The following SH3BGRL variants were observed in gnomAD, a reference collection of about 807,000 sequenced individuals.
SH3BGRL encodes the protein adapter SH3BGRL.
Under a neutral mutation model 9.8 loss-of-function variants are expected in SH3BGRL, and 7 were observed. The ratio of observed to expected loss-of-function variants is 0.72; its 90% CI spans 0.41 to 1.35. The LOEUF is 1.35. Among genes scored for constraint, SH3BGRL ranks in the 40% most tolerant of loss-of-function variants. The pLI is 0.01. For synonymous variants in SH3BGRL, 36 were observed against 29.1 expected (o/e 1.24, Z -0.76); for missense variants, 73 against 84.4 (o/e 0.86, Z 0.53).
intron 3 of SH3BGRL, among the ~76,000 whole-genome samples, chrX:81,281,644 A>T (rs1457073328): frequency 8.9e-6 from 1 of 111,979 alleles, no homozygotes; most frequent in East Asian, 2.8e-4. Flanking sequence ...TTATCAAGCC[A>T]CCACTACAGG....
At position 81,202,123 on chromosome X, in the gene SH3BGRL, T is replaced by C. The variant is rs1030407954; in HGVS notation, c.-78T>C. On this transcript the variant is annotated 5_prime_UTR_variant, in exon 1 of 4. Coordinates refer to ENST00000373212, the MANE Select transcript of SH3BGRL (RefSeq NM_003022.3). ...CTCTGCCAACCGCTGTTTCAGCCCC[T>C]AGCTGGATTCCAGCCATTGCTGCAG... 2 of 1,027,207 alleles carry C rather than the reference T, an allele frequency of 1.9e-6. No homozygotes were observed. Among genetic ancestry groups the C allele is most frequent in the Non-Finnish European group, 2.7e-6 (2 of 737,751 alleles). 84.7% of individuals were successfully genotyped at this position (1,027,207 alleles called of 1,213,427 possible). A position where few individuals can be genotyped will look rare whatever the true frequency, so the allele number is the denominator to read the frequency against.
intron 1 of SH3BGRL, among the ~76,000 whole-genome samples, chrX:81,256,556 A>G (rs749044299): frequency 9.8e-5 from 11 of 111,918 alleles, no homozygotes; most frequent in African/African-American, 3.6e-4. Context: ...GGAGAAATTT[A>G]CAGTTTCCCA....
intron 1 of SH3BGRL, among the ~76,000 whole-genome samples, chrX:81,219,431 G>A (rs1163440631): frequency 9.0e-6 from 1 of 110,732 alleles, no homozygotes; most frequent in Non-Finnish European, 1.9e-5. Context: ...TTCACTATTG[G>A]CATTTAGAAA....
intron 1 of SH3BGRL, among the ~76,000 whole-genome samples, chrX:81,265,098 G>A (rs1386732384): frequency 9.4e-6 from 1 of 106,206 alleles, no homozygotes; most frequent in Non-Finnish European, 1.9e-5. Context: ...TTTCACACTA[G>A]ACTCTATTTT....
chrX:81,284,164 AG>A (rs2075826959), intron 3 of SH3BGRL, among the ~76,000 whole-genome samples: 2 of 111,370 alleles, frequency 1.8e-5, no homozygotes, highest in Admixed American at 9.6e-5. Flanking sequence ...AAGAAATCAT[AG>A]ATAACACAAA....
intron 1 of SH3BGRL, among the ~76,000 whole-genome samples, chrX:81,206,827 A>G (rs1410930128): frequency 8.9e-6 from 1 of 112,154 alleles, no homozygotes; most frequent in Non-Finnish European, 1.9e-5. Context: ...GGTATAGGTC[A>G]AGGTATAAAA....
intron 1 of SH3BGRL, among the ~76,000 whole-genome samples, chrX:81,235,825 A>G (rs1210866209): frequency 9.0e-6 from 1 of 111,343 alleles, no homozygotes; most frequent in Non-Finnish European, 1.9e-5. Flanking sequence ...TACCTATTCA[A>G]CTAGATAGTT....
intron 1 of SH3BGRL, among the ~76,000 whole-genome samples, chrX:81,266,487 G>T (rs1300850762): frequency 1.8e-5 from 2 of 111,718 alleles, no homozygotes; most frequent in Non-Finnish European, 3.8e-5. Flanking sequence ...GCTTGCGTGT[G>T]TCAGATTTAT....
chrX:81,212,541 G>T (rs967219811), intron 1 of SH3BGRL, among the ~76,000 whole-genome samples: 1 of 112,111 alleles, frequency 8.9e-6, no homozygotes, highest in Non-Finnish European at 1.9e-5. Context: ...CATCAGATCA[G>T]ATTAGGATTT....
intron 3 of SH3BGRL, among the ~76,000 whole-genome samples, chrX:81,289,482 A>G (rs1377117098): frequency 2.8e-5 from 3 of 108,659 alleles, no homozygotes; most frequent in Non-Finnish European, 1.9e-5. Context: ...AAGTGAAGAG[A>G]CAACCCAAAG....
In SH3BGRL at chrX:81,267,827, T is replaced by C. The variant is rs188975919; in HGVS notation, c.46-9157T>C. 2.1e-3 allele frequency among the ~76,000 whole-genome samples: 236 copies of C among 111,734 alleles called. 1 individual carries two copies. Among genetic ancestry groups the C allele is most frequent in the African/African-American group, 7.5e-3 (230 of 30,729 alleles). ...CTTTGTACCTCGAGTAGAATTTGTCTGTGAATCCGTCTGGTCCTGGACTTT... is the reference window on the plus strand; with the variant it reads ...CTTTGTACCTCGAGTAGAATTTGTCCGTGAATCCGTCTGGTCCTGGACTTT... On this transcript the variant is annotated intron_variant, in intron 1 of 3. Coordinates refer to ENST00000373212, the MANE Select transcript of SH3BGRL (RefSeq NM_003022.3).
chrX:81,229,018 A>G (rs1322959407), intron 1 of SH3BGRL, among the ~76,000 whole-genome samples: 1 of 111,914 alleles, frequency 8.9e-6, no homozygotes, highest in Non-Finnish European at 1.9e-5. Flanking sequence ...AGAAAATTGG[A>G]TAGCTCCTTT....
intron 1 of SH3BGRL, among the ~76,000 whole-genome samples, chrX:81,218,669 A>G (rs187156295): frequency 0.011 from 1,105 of 103,582 alleles, 8 homozygotes; most frequent in Non-Finnish European, 0.017. Context: ...ATCTGTATGT[A>G]TATATATATA....
At chrX:81,262,838 C>G (rs915172119) in intron 1 of SH3BGRL, among the ~76,000 whole-genome samples, 1 of 111,656 alleles carries the variant, frequency 9.0e-6, no homozygotes, top group Non-Finnish European at 1.9e-5. Context: ...TTTGGTGGTG[C>G]TGAGTTTAAA....
At chrX:81,222,620 C>T (rs1024031760) in intron 1 of SH3BGRL, among the ~76,000 whole-genome samples, 11 of 110,645 alleles carry the variant, frequency 9.9e-5, no homozygotes, top group Non-Finnish European at 9.4e-5. Flanking sequence ...GTGAATAGTG[C>T]CGCAATAAAT....
intron 1 of SH3BGRL, among the ~76,000 whole-genome samples, chrX:81,226,565 T>A (rs2075617827): frequency 9.5e-6 from 1 of 105,326 alleles, no homozygotes; most frequent in Non-Finnish European, 1.9e-5. Flanking sequence ...TTTTGTTATA[T>A]TTTGTTTATA....
chrX:81,215,158 G>A (rs999904352), intron 1 of SH3BGRL, among the ~76,000 whole-genome samples: 7 of 109,547 alleles, frequency 6.4e-5, no homozygotes, highest in African/African-American at 2.3e-4. Context: ...CTAGTGGAGA[G>A]AGTTTATGGA....
chrX:81,276,981 TAGATTAAG>T lies in SH3BGRL; in HGVS notation c.46-1_52del. On this transcript the variant is annotated splice_acceptor_variant and coding_sequence_variant, in exon 2 of 4. Coordinates refer to ENST00000373212, the MANE Select transcript of SH3BGRL (RefSeq NM_003022.3). LOFTEE classifies it high-confidence loss of function. ...AATACGGTTTCTTGTCCTTTGGTCC[TAGATTAAG>T]AAGAAACAACAAGATGTGCTTGGTT... The T allele has an allele frequency of 8.3e-7, 1 of 1,202,910 alleles. No homozygotes were observed. The highest frequency in any genetic ancestry group is 1.1e-6 in the Non-Finnish European group (1 of 891,471).
chrX:81,292,129 C>T (rs2075859852), intron 3 of SH3BGRL, among the ~76,000 whole-genome samples: 2 of 111,850 alleles, frequency 1.8e-5, no homozygotes, highest in Middle Eastern at 4.6e-3. Flanking sequence ...TGTGTGGGGG[C>T]TCCAACCCCA....
Sources: gnomAD v4.1 joint callset for allele counts (sites outside exome capture counted in the v4.1 genomes callset) on GRCh38, gnomAD v4.1.1 for gene constraint, MANE v1.5 for transcripts, NCBI Gene and HGNC (gene_info 2026-07-23, HGNC 2026-07-21) for gene names.